POU6F2: variants seen among roughly 807,000 people sequenced by gnomAD.
POU6F2 encodes POU domain, class 6, transcription factor 2.
Under a neutral mutation model 71.3 loss-of-function variants are expected in POU6F2, and 31 were observed. The observed-to-expected ratio is 0.43, with a 90% CI of 0.33 to 0.59. The LOEUF is 0.59. Among genes scored for constraint, POU6F2 ranks in the 20% least tolerant of loss-of-function variants. The pLI is 0.04. For missense variants in POU6F2, 783 were observed against 856.8 expected (o/e 0.91, Z 1.07); for synonymous variants, 347 against 355.7 (o/e 0.98, Z 0.27).
intron 2 of POU6F2, among the ~76,000 whole-genome samples, chr7:39,096,103 A>G (rs1242591289): frequency 6.6e-6 from 1 of 152,198 alleles, no homozygotes; most frequent in African/African-American, 2.4e-5. Context: ...CACGATGAGT[A>G]ACTTCACATC....
Position 39,464,334 on chromosome 7 carries a change from A to C in POU6F2, c.1811A>C (p.Lys604Thr). Residue 604 changes from lysine to threonine, a missense_variant, in exon 10 of 10, where the codon AAG becomes ACG. Around this residue, in one of 2 missense-constraint regions of POU6F2, gnomAD observed 211 missense variants for 283.9 expected, o/e 0.74. Coordinates refer to ENST00000518318, the MANE Select transcript of POU6F2 (RefSeq NM_001370959.1). The surrounding 1 kb of genome is among the most constrained non-coding windows in gnomAD (Gnocchi z 4.1). Reference sequence around the variant, plus strand: ...ACCCCTAAAAGTGCCCAGAAGATCAAGCCGGTGCTTGAGCGGTGGATGGCT... The same window carrying C: ...ACCCCTAAAAGTGCCCAGAAGATCACGCCGGTGCTTGAGCGGTGGATGGCT... ...DITPKSAQKIKPVLERWMAEA... is the reference protein window; with the variant it reads ...DITPKSAQKITPVLERWMAEA... The C allele has an allele frequency of 6.2e-7, 1 of 1,614,054 alleles. No homozygotes were observed. Among genetic ancestry groups the C allele is most frequent in the Non-Finnish European group, 8.5e-7 (1 of 1,179,896 alleles).
At chr7:39,246,204 T>G (rs10272803) in intron 4 of POU6F2, among the ~76,000 whole-genome samples, 61,917 of 151,956 alleles carry the variant, frequency 0.41, 13,323 homozygotes, top group East Asian at 0.68. Flanking sequence ...AGCAAATATG[T>G]TCTGAGCCCC....
At chr7:39,258,422 C>T (rs919722128) in intron 4 of POU6F2, among the ~76,000 whole-genome samples, 1 of 152,120 alleles carries the variant, frequency 6.6e-6, no homozygotes, top group Non-Finnish European at 1.5e-5. Flanking sequence ...AAGTGTGTGT[C>T]ACATTATTCT....
At chr7:39,245,122 G>C (rs1250436226) in intron 4 of POU6F2, among the ~76,000 whole-genome samples, 1 of 152,156 alleles carries the variant, frequency 6.6e-6, no homozygotes, top group African/African-American at 2.4e-5. Context: ...TTACCATCAA[G>C]CAAAGCTAAA....
intron 5 of POU6F2, among the ~76,000 whole-genome samples, chr7:39,372,069 A>G (rs1015899390): frequency 1.3e-5 from 2 of 152,094 alleles, no homozygotes; most frequent in Non-Finnish European, 2.9e-5. Flanking sequence ...ATAGGCACGC[A>G]CTACCATGCC....
At chr7:39,023,004 A>G (rs191966430) in intron 1 of POU6F2, among the ~76,000 whole-genome samples, 155 of 152,146 alleles carry the variant, frequency 1.0e-3, no homozygotes, top group African/African-American at 3.7e-3. Flanking sequence ...ACCAGCACTT[A>G]GTATGGTCAG....
At chr7:39,341,740 G>A (rs1008437213) in intron 5 of POU6F2, among the ~76,000 whole-genome samples, 1 of 152,172 alleles carries the variant, frequency 6.6e-6, no homozygotes, top group East Asian at 1.9e-4. Flanking sequence ...CCTGTTAGGT[G>A]AAAGTTTTGA....
At chr7:39,370,163 C>T (rs183876601) in intron 5 of POU6F2, among the ~76,000 whole-genome samples, 1 of 152,260 alleles carries the variant, frequency 6.6e-6, no homozygotes, top group Admixed American at 6.5e-5. Context: ...TATCCTCCAA[C>T]AACCTGGTAA....
chr7:39,336,388 G>A (rs1404547425), intron 4 of POU6F2, among the ~76,000 whole-genome samples: 2 of 152,112 alleles, frequency 1.3e-5, no homozygotes, highest in Admixed American at 6.5e-5. Flanking sequence ...CATTTCATAT[G>A]AATGAAATGT....
At chr7:39,459,837 A>C (rs545834386) in intron 8 of POU6F2, among the ~76,000 whole-genome samples, 27 of 152,244 alleles carry the variant, frequency 1.8e-4, no homozygotes, top group African/African-American at 6.0e-4. Flanking sequence ...TTCCCTTGAT[A>C]AGTCCTAAAT....
At chr7:39,211,962 A>G (rs1375983233) in intron 4 of POU6F2, among the ~76,000 whole-genome samples, 1 of 151,960 alleles carries the variant, frequency 6.6e-6, no homozygotes. Context: ...CAATTCATGT[A>G]CCTGTCAGGA....
chr7:39,264,013 A>G (rs1226175040), intron 4 of POU6F2, among the ~76,000 whole-genome samples: 4 of 152,170 alleles, frequency 2.6e-5, no homozygotes, highest in African/African-American at 4.8e-5. Context: ...TTTCTGCTCA[A>G]TGGCAGGAAG....
At chr7:39,181,852 G>C (rs1220908038) in intron 2 of POU6F2, among the ~76,000 whole-genome samples, 1 of 152,086 alleles carries the variant, frequency 6.6e-6, no homozygotes, top group East Asian at 1.9e-4. Context: ...CAAAGATGAT[G>C]TTTCCTTCCT....
intron 4 of POU6F2, among the ~76,000 whole-genome samples, chr7:39,302,765 C>T (rs757652124): frequency 1.1e-4 from 17 of 152,222 alleles, no homozygotes; most frequent in Non-Finnish European, 7.3e-5. Flanking sequence ...TATCATACAA[C>T]CAGTTCCATT....
At chr7:39,144,346 T>G (rs1037209233) in intron 2 of POU6F2, among the ~76,000 whole-genome samples, 2 of 152,248 alleles carry the variant, frequency 1.3e-5, no homozygotes, top group Non-Finnish European at 2.9e-5. Context: ...TCTGAAGAAC[T>G]ATGGATAAAC....
intron 5 of POU6F2, among the ~76,000 whole-genome samples, chr7:39,340,698 AC>A (rs928585538): frequency 6.6e-6 from 1 of 152,188 alleles, no homozygotes; most frequent in Non-Finnish European, 1.5e-5. Context: ...TTTCAGGCTA[AC>A]CATGAGAGCT....
At chr7:39,368,590 A>T (rs1786551237) in intron 5 of POU6F2, among the ~76,000 whole-genome samples, 1 of 152,260 alleles carries the variant, frequency 6.6e-6, no homozygotes, top group South Asian at 2.1e-4. Context: ...TAGATGAAAC[A>T]GCTTTCTATT....
At chr7:39,067,790 A>G (rs1427071445) in intron 1 of POU6F2, among the ~76,000 whole-genome samples, 1 of 152,178 alleles carries the variant, frequency 6.6e-6, no homozygotes, top group Admixed American at 6.5e-5. Context: ...AGTAATTTAT[A>G]AAAGAAGAAA....
At chr7:39,200,429 T>A (rs1793874749) in intron 2 of POU6F2, among the ~76,000 whole-genome samples, 3 of 152,214 alleles carry the variant, frequency 2.0e-5, no homozygotes, top group Non-Finnish European at 4.4e-5. Context: ...TTTGCCACTA[T>A]CTTTGTGCCA....
Sources: gnomAD v4.1 joint callset for allele counts (sites outside exome capture counted in the v4.1 genomes callset) on GRCh38, gnomAD v4.1.1 for gene constraint, gnomAD v4.1.1 regional missense constraint, Gnocchi (gnomAD v3.1) non-coding constraint, MANE v1.5 for transcripts, NCBI Gene and HGNC (gene_info 2026-07-23, HGNC 2026-07-21) for gene names.